ZNRF3: variants seen among roughly 807,000 people sequenced by gnomAD.
ZNRF3 encodes the protein E3 ubiquitin-protein ligase ZNRF3.
A neutral mutation model predicts 72.5 loss-of-function variants in ZNRF3; 23 were observed. That is an observed-to-expected ratio of 0.32 (90% CI 0.23 to 0.45). The LOEUF (loss-of-function observed/expected upper bound fraction) is 0.45. Among genes scored for constraint, ZNRF3 ranks in the 20% least tolerant of loss-of-function variants. The probability of loss-of-function intolerance (pLI) is 1.00; values close to 1 mark genes in which losing one functional copy is unlikely to be tolerated. For missense variants in ZNRF3, 1,169 were observed against 1,272.1 expected, an observed-to-expected ratio of 0.92 and a Z score of 1.23; for synonymous variants, 610 against 545.3, an observed-to-expected ratio of 1.12 and a Z score of -1.65.
intron 1 of ZNRF3, among the ~76,000 whole-genome samples, chr22:28,908,127 T>C (rs747272985): frequency 1.7e-4 from 26 of 152,362 alleles, no homozygotes; most frequent in Admixed American, 3.9e-4. Context: ...TAATTTCACA[T>C]TAAAACTAGC....
intron 1 of ZNRF3, among the ~76,000 whole-genome samples, chr22:28,909,663 C>G (rs963066275): frequency 3.3e-5 from 5 of 152,016 alleles, no homozygotes; most frequent in African/African-American, 1.2e-4. Context: ...TCACTGAAGC[C>G]TCCACCACCC....
intron 2 of ZNRF3, among the ~76,000 whole-genome samples, chr22:29,021,110 T>C (rs1191743734): frequency 6.6e-6 from 1 of 151,984 alleles, no homozygotes; most frequent in Non-Finnish European, 1.5e-5. Flanking sequence ...TTAAAAATAC[T>C]GTAATCCCGG....
At chr22:28,964,780 G>T (rs183154094) in intron 1 of ZNRF3, among the ~76,000 whole-genome samples, 1 of 152,244 alleles carries the variant, frequency 6.6e-6, no homozygotes. Context: ...AGGGCATCCC[G>T]CAGCTCACGC....
chr22:28,921,912 G>T (rs531341103), intron 1 of ZNRF3, among the ~76,000 whole-genome samples: 75 of 152,268 alleles, frequency 4.9e-4, no homozygotes, highest in Non-Finnish European at 1.0e-3. Flanking sequence ...TTAATATATA[G>T]GTTGAGTATC....
At chr22:29,036,993 C>T (rs996241912) in intron 2 of ZNRF3, among the ~76,000 whole-genome samples, 4 of 152,182 alleles carry the variant, frequency 2.6e-5, no homozygotes, top group Non-Finnish European at 5.9e-5. Context: ...TTCATATTAG[C>T]GCTAACAGTC....
chr22:28,957,157 G>T (rs2035276312), intron 1 of ZNRF3, among the ~76,000 whole-genome samples: 2 of 152,176 alleles, frequency 1.3e-5, no homozygotes, highest in South Asian at 4.1e-4. Context: ...TTCGAGCCAG[G>T]ACAGTACTTC....
At chr22:28,892,290 CAG>C (rs527322754) in intron 1 of ZNRF3, among the ~76,000 whole-genome samples, 188 of 152,278 alleles carry the variant, frequency 1.2e-3, no homozygotes, top group Non-Finnish European at 2.4e-3. Context: ...TGTAGGTGTC[CAG>C]ACAGCACACG....
At chr22:29,039,315 A>G (rs918325630) in intron 2 of ZNRF3, among the ~76,000 whole-genome samples, 7 of 152,162 alleles carry the variant, frequency 4.6e-5, no homozygotes, top group African/African-American at 1.7e-4. Flanking sequence ...CAGATCCTGC[A>G]GCCTTTCATC....
intron 2 of ZNRF3, among the ~76,000 whole-genome samples, chr22:29,018,934 G>C (rs1314736756): frequency 6.6e-6 from 1 of 150,882 alleles, no homozygotes; most frequent in Non-Finnish European, 1.5e-5. Context: ...TCTGGTCTGT[G>C]CCAGCTTGGC....
At position 28,954,947 on chromosome 22, in the gene ZNRF3, T is replaced by C. The variant is rs538804944; in HGVS notation, c.301-32129T>C. Among the ~76,000 whole-genome samples, 5 of 152,198 alleles carry C rather than the reference T, an allele frequency of 3.3e-5. No individual in the cohort carries two copies. The South Asian group carries it at 1.0e-3, about 32-fold the overall frequency. Reference sequence around the variant, plus strand: ...GGATAATATCTTAAAATCTGTGAAATGTCCTGGTTTAATTTTTTTCTTGTC... The same window carrying C: ...GGATAATATCTTAAAATCTGTGAAACGTCCTGGTTTAATTTTTTTCTTGTC... On this transcript the variant is annotated intron_variant, in intron 1 of 8. Transcript: ENST00000544604.
chr22:29,018,002 C>T lies in ZNRF3; in HGVS notation c.427-24493C>T, dbSNP rs548405608. On this transcript the variant is annotated intron_variant, in intron 2 of 8. Transcript: ENST00000544604. ...ACCTATGCAACAGCTGGAAGATGTG[C>T]GTATGCCTTAACTTTTCAGAAATGG... The T allele has an allele frequency of 1.3e-5, 7 of 518,918 alleles. No individual in the cohort carries two copies. The East Asian group carries it at 1.6e-4, about 12-fold the overall frequency. 32.1% of individuals were successfully genotyped at this position (518,918 alleles called of 1,614,324 possible). A position where few individuals can be genotyped will look rare whatever the true frequency, so the allele number is the denominator to read the frequency against.
At chr22:28,955,595 T>A (rs2035244245) in intron 1 of ZNRF3, among the ~76,000 whole-genome samples, 1 of 152,124 alleles carries the variant, frequency 6.6e-6, no homozygotes, top group South Asian at 2.1e-4. Context: ...CTTTGGTTGG[T>A]CTCACGCACT....
chr22:29,017,389 G>A (rs774445701), intron 2 of ZNRF3, among the ~76,000 whole-genome samples: 2 of 152,138 alleles, frequency 1.3e-5, no homozygotes, highest in Admixed American at 6.5e-5. Context: ...ATCCATTGCC[G>A]TAAATCTTAA....
intron 1 of ZNRF3, among the ~76,000 whole-genome samples, chr22:28,897,502 G>A (rs1319735881): frequency 1.3e-5 from 2 of 152,216 alleles, no homozygotes; most frequent in African/African-American, 4.8e-5. Context: ...TGTATTTTTA[G>A]TAGAGACATG....
chr22:28,967,591 GT>G lies in ZNRF3; in HGVS notation c.301-19482del, dbSNP rs2035492984. Among the ~76,000 whole-genome samples the G allele has an allele frequency of 2.6e-5, 4 of 152,234 alleles. No homozygotes were observed. In the South Asian group the frequency reaches 8.3e-4, roughly 32 times the overall value. On this transcript the variant is annotated intron_variant, in intron 1 of 8. Transcript: ENST00000544604. ...AACTTGTTTTATCCTGTATTGGGCT[GT>G]TTCACTGCGACATACCTAGGGGTGA...
At chr22:28,969,825 G>A (rs2035538106) in intron 1 of ZNRF3, among the ~76,000 whole-genome samples, 1 of 152,172 alleles carries the variant, frequency 6.6e-6, no homozygotes, top group African/African-American at 2.4e-5. Context: ...AGGAGCTCTG[G>A]CAGTAACCCA....
At chr22:28,942,691 T>C (rs1004425896) in intron 1 of ZNRF3, among the ~76,000 whole-genome samples, 2 of 152,198 alleles carry the variant, frequency 1.3e-5, no homozygotes, top group African/African-American at 4.8e-5. Context: ...TGAAAGAGAC[T>C]GTTTGAGGTG....
At chr22:28,937,828 T>C (rs1427572555) in intron 1 of ZNRF3, among the ~76,000 whole-genome samples, 2 of 152,198 alleles carry the variant, frequency 1.3e-5, no homozygotes, top group African/African-American at 4.8e-5. Context: ...TTAAAAACAA[T>C]GATAGTTTTG....
At chr22:28,994,835 T>C (rs543575912) in intron 2 of ZNRF3, among the ~76,000 whole-genome samples, 1 of 152,186 alleles carries the variant, frequency 6.6e-6, no homozygotes, top group Non-Finnish European at 1.5e-5. Context: ...AAATAAGCAA[T>C]TTTTTCCTTA....
Sources: gnomAD v4.1 joint callset for allele counts (sites outside exome capture counted in the v4.1 genomes callset) on GRCh38, gnomAD v4.1.1 for gene constraint, MANE v1.5 for transcripts, NCBI Gene and HGNC (gene_info 2026-07-23, HGNC 2026-07-21) for gene names.